Variants in RGS7BP observed in about 807,000 individuals in gnomAD.
The protein encoded by RGS7BP is regulator of G protein signaling 7-binding protein.
Under a neutral mutation model 31.3 loss-of-function variants are expected in RGS7BP, and 9 were observed. The ratio of observed to expected loss-of-function variants is 0.29; its 90% CI spans 0.17 to 0.50. The LOEUF (loss-of-function observed/expected upper bound fraction) is 0.50, where lower values mean the gene tolerates loss of function less well. RGS7BP is among the 20% of genes least tolerant of loss of function. RGS7BP has a pLI of 0.98. For missense variants in RGS7BP, 274 were observed against 322.0 expected (o/e 0.85, Z 1.14); for synonymous variants, 115 against 120.1 (o/e 0.96, Z 0.28).
In RGS7BP at chr5:64,527,862, GATGA is replaced by G. The variant is rs377662431; in HGVS notation, c.332+19990_332+19993del. On this transcript the variant is annotated intron_variant, in intron 2 of 5. Coordinates refer to ENST00000334025, the MANE Select transcript of RGS7BP (RefSeq NM_001029875.3). ...CAAAATCTTTAGTTTTTCCTTTCCT[GATGA>G]ATGACTTTCATTTTGTTCTTTTTAC... Among the ~76,000 whole-genome samples the G allele has an allele frequency of 5.7e-4, 87 of 152,170 alleles. No individual in the cohort carries two copies. In the South Asian group the frequency reaches 0.011, roughly 20 times the overall value.
Position 64,562,034 on chromosome 5 carries a change from A to T in RGS7BP, c.333-13740A>T, listed in dbSNP as rs569907297. On this transcript the variant is annotated intron_variant, in intron 2 of 5. Coordinates refer to ENST00000334025, the MANE Select transcript of RGS7BP (RefSeq NM_001029875.3). ...GTTGGCAATAAAATGATACTACATCAAGGAAGGAAATAAAGGACTGCAAGT... is the reference window on the plus strand; with the variant it reads ...GTTGGCAATAAAATGATACTACATCTAGGAAGGAAATAAAGGACTGCAAGT... Among the ~76,000 whole-genome samples the T allele has an allele frequency of 4.1e-4, 62 of 152,150 alleles. 1 individual carries two copies. Among genetic ancestry groups the T allele is most frequent in the Admixed American group, 2.6e-4 (4 of 15,256 alleles).
chr5:64,579,379 A>G (rs1403478701), intron 3 of RGS7BP, among the ~76,000 whole-genome samples: 2 of 151,904 alleles, frequency 1.3e-5, no homozygotes, highest in Non-Finnish European at 2.9e-5. Context: ...CCCCATCTCT[A>G]CTAAAAATAC....
At chr5:64,551,668 G>C (rs1384344884) in intron 2 of RGS7BP, among the ~76,000 whole-genome samples, 1 of 150,224 alleles carries the variant, frequency 6.7e-6, no homozygotes, top group Non-Finnish European at 1.5e-5. Context: ...TTATTCTAAA[G>C]AGCTTCTGGC....
At chr5:64,552,369 T>C (rs1199431892) in intron 2 of RGS7BP, among the ~76,000 whole-genome samples, 2 of 152,200 alleles carry the variant, frequency 1.3e-5, no homozygotes, top group East Asian at 3.8e-4. Flanking sequence ...CAAAACTTAG[T>C]CAGTTTTTAG....
chr5:64,609,266 G>A lies in RGS7BP; in HGVS notation c.*14G>A. The A allele has an allele frequency of 7.0e-7, 1 of 1,437,474 alleles. No homozygotes were observed. Among genetic ancestry groups the A allele is most frequent in the Non-Finnish European group, 9.8e-7 (1 of 1,019,162 alleles). The allele number at this position is 1,437,474 out of a possible 1,614,324, so 89.0% of individuals were successfully genotyped here. A position where few individuals can be genotyped will look rare whatever the true frequency, so the allele number is the denominator to read the frequency against. The stretch of plus-strand genomic sequence containing the variant: ...ATCTCAAGCTAGGTGGCTCCTCCTG[G>A]AAACCCACTGAGAACATCTGAAAAA... On this transcript the variant is annotated 3_prime_UTR_variant, in exon 6 of 6. Transcript: ENST00000334025.
intron 2 of RGS7BP, among the ~76,000 whole-genome samples, chr5:64,554,210 C>T (rs1329423138): frequency 6.6e-6 from 1 of 152,150 alleles, no homozygotes; most frequent in Non-Finnish European, 1.5e-5. Context: ...GTTTCCCTCT[C>T]TATAAGGTTA....
At chr5:64,546,915 C>A (rs941430664) in intron 2 of RGS7BP, among the ~76,000 whole-genome samples, 1 of 152,208 alleles carries the variant, frequency 6.6e-6, no homozygotes, top group African/African-American at 2.4e-5. Context: ...AAGGTTCCCT[C>A]ATGCCCCTTC....
chr5:64,565,055 C>T (rs568265285), intron 2 of RGS7BP, among the ~76,000 whole-genome samples: 57 of 152,214 alleles, frequency 3.7e-4, no homozygotes, highest in African/African-American at 1.3e-3. Flanking sequence ...CTGCATCAAA[C>T]TATTATGAGT....
At chr5:64,540,991 T>A (rs1015372824) in intron 2 of RGS7BP, among the ~76,000 whole-genome samples, 1 of 152,136 alleles carries the variant, frequency 6.6e-6, no homozygotes. Flanking sequence ...GCATGAACGC[T>A]TTGGTGGGTG....
chr5:64,589,366 C>T (rs1225604898), intron 3 of RGS7BP, among the ~76,000 whole-genome samples: 1 of 151,914 alleles, frequency 6.6e-6, no homozygotes, highest in Non-Finnish European at 1.5e-5. Flanking sequence ...TGGCAGAAAC[C>T]ACATTAAACA....
intron 2 of RGS7BP, among the ~76,000 whole-genome samples, chr5:64,541,498 C>T (rs1741525598): frequency 6.6e-6 from 1 of 152,232 alleles, no homozygotes; most frequent in Non-Finnish European, 1.5e-5. Context: ...TTCTCTCTTC[C>T]ATGTCTGCCA....
At chr5:64,604,660 AC>A (rs1743308465) in intron 5 of RGS7BP, among the ~76,000 whole-genome samples, 1 of 152,114 alleles carries the variant, frequency 6.6e-6, no homozygotes, top group Admixed American at 6.6e-5. Flanking sequence ...CTTTAACAAG[AC>A]CTAAGATGAG....
At chr5:64,525,501 T>C (rs1509140) in intron 2 of RGS7BP, among the ~76,000 whole-genome samples, 3,438 of 152,344 alleles carry the variant, frequency 0.023, 74 homozygotes, top group African/African-American at 0.057. Context: ...TGGACCCCAC[T>C]ATGACTGTGG....
At chr5:64,530,497 G>A (rs749329624) in intron 2 of RGS7BP, among the ~76,000 whole-genome samples, 2 of 152,144 alleles carry the variant, frequency 1.3e-5, no homozygotes, top group South Asian at 4.1e-4. Context: ...GGAAATGAAG[G>A]CTCACAAAGA....
At chr5:64,544,126 A>G (rs938196377) in intron 2 of RGS7BP, among the ~76,000 whole-genome samples, 1 of 152,238 alleles carries the variant, frequency 6.6e-6, no homozygotes, top group Admixed American at 6.5e-5. Flanking sequence ...CATTCATTCA[A>G]CAAATACTGA....
intron 2 of RGS7BP, among the ~76,000 whole-genome samples, chr5:64,542,564 G>A (rs901396406): frequency 2.6e-5 from 4 of 152,106 alleles, no homozygotes; most frequent in African/African-American, 7.2e-5. Context: ...GGACTCTCTG[G>A]TATCTTTCCA....
chr5:64,533,695 A>G (rs926780015), intron 2 of RGS7BP, among the ~76,000 whole-genome samples: 21 of 152,252 alleles, frequency 1.4e-4, no homozygotes, highest in African/African-American at 5.1e-4. Flanking sequence ...CAACAATTTC[A>G]CATACATTCA....
chr5:64,515,621 T>C (rs975037303), intron 2 of RGS7BP, among the ~76,000 whole-genome samples: 6 of 152,046 alleles, frequency 3.9e-5, no homozygotes, highest in Non-Finnish European at 4.4e-5. Context: ...GCAGTATCTA[T>C]ACTGCCTGTT....
chr5:64,526,780 G>A (rs1249305553), intron 2 of RGS7BP, among the ~76,000 whole-genome samples: 2 of 152,034 alleles, frequency 1.3e-5, no homozygotes, highest in Non-Finnish European at 2.9e-5. Flanking sequence ...TGCCTCAAGA[G>A]ATGCTGCCAC....
Sources: allele counts gnomAD v4.1 joint callset (sites outside exome capture counted in the v4.1 genomes callset), GRCh38; gene constraint gnomAD v4.1.1; transcripts MANE v1.5; gene names NCBI Gene and HGNC (gene_info 2026-07-23, HGNC 2026-07-21).